The following MINDY4B variants were observed in gnomAD, a reference collection of about 807,000 sequenced individuals.
MINDY4B encodes inactive ubiquitin carboxyl-terminal hydrolase MINDY-4B.
In MINDY4B, 25 loss-of-function variants were observed where a neutral mutation model predicts 16.7. The observed-to-expected ratio is 1.49, with a 90% confidence interval of 1.09 to 2.09. The LOEUF is 2.09. Among genes scored for constraint, MINDY4B ranks in the 30% most tolerant of loss-of-function variants. MINDY4B has a pLI of 0.00. For missense variants in MINDY4B, 327 were observed against 168.4 expected, an observed-to-expected ratio of 1.94 and a Z score of -5.21; for synonymous variants, 132 against 61.9, an observed-to-expected ratio of 2.13 and a Z score of -5.32.
intron 3 of MINDY4B, among the ~76,000 whole-genome samples, chr3:150,898,746 A>G (rs543927434): frequency 1.3e-5 from 2 of 152,130 alleles, no homozygotes; most frequent in Non-Finnish European, 2.9e-5. Context: ...ACTTTGTTCC[A>G]TTTGATTGCT....
chr3:150,876,419 G>T (rs574848618), intron 10 of MINDY4B, among the ~76,000 whole-genome samples: 95 of 152,280 alleles, frequency 6.2e-4, no homozygotes, highest in Non-Finnish European at 1.2e-3. Context: ...CAGGAGAAAG[G>T]TGTTTGAAAC....
At chr3:150,898,629 A>G (rs1712035861) in intron 3 of MINDY4B, among the ~76,000 whole-genome samples, 1 of 152,252 alleles carries the variant, frequency 6.6e-6, no homozygotes, top group Non-Finnish European at 1.5e-5. Context: ...TGGTCCTCAT[A>G]AGTGGCTGCC....
intron 3 of MINDY4B, among the ~76,000 whole-genome samples, chr3:150,899,521 C>T (rs1429310774): frequency 6.6e-6 from 1 of 152,070 alleles, no homozygotes; most frequent in Non-Finnish European, 1.5e-5. Flanking sequence ...GAGAGGACTG[C>T]CATGAGAGGA....
intron 7 of MINDY4B, 24 bp downstream of exon 7, chr3:150,890,296 T>C (rs1392437466): frequency 2.0e-6 from 1 of 497,608 alleles, no homozygotes; most frequent in Non-Finnish European, 3.6e-6. Context: ...CATAAAGGAA[T>C]TATCTCAACA....
rs555867463 is a variant in MINDY4B at position 150,876,219 on chromosome 3, A to G, written c.1060-2852T>C. On this transcript the variant is annotated intron_variant, in intron 10 of 11. Coordinates refer to ENST00000465419, the MANE Select transcript of MINDY4B (RefSeq NM_001351281.2). ...GCAGCAATCAGGCTTTTCATAACAC[A>G]TATCATTTAAGCCAATGTAAAATTA... 5.3e-5 allele frequency among the ~76,000 whole-genome samples: 8 copies of G among 152,372 alleles called. No homozygotes were observed. The South Asian group carries it at 1.0e-3, about 20-fold the overall frequency.
At chr3:150,881,192 G>A (rs1227744401) in intron 10 of MINDY4B, among the ~76,000 whole-genome samples, 1 of 152,054 alleles carries the variant, frequency 6.6e-6, no homozygotes, top group Non-Finnish European at 1.5e-5. Flanking sequence ...AGACCAGCCT[G>A]GCCAAAATGG....
intron 3 of MINDY4B, among the ~76,000 whole-genome samples, chr3:150,902,876 G>A (rs1385289104): frequency 6.6e-6 from 1 of 152,150 alleles, no homozygotes; most frequent in Non-Finnish European, 1.5e-5. Flanking sequence ...ATACAGGTGG[G>A]GTACTTTCTT....
rs1185598844 is a variant in MINDY4B, at chr3:150,896,857, T to C, written c.310-2552A>G. On this transcript the variant is annotated intron_variant, in intron 3 of 11. Transcript: ENST00000465419. ...ATTTTGTAACTTGGAATCTATTTAT[T>C]TAAGAAGGACACTTTACATAACTTC... 2.6e-5 allele frequency among the ~76,000 whole-genome samples: 4 copies of C among 151,528 alleles called. No individual in the cohort carries two copies. In the East Asian group the frequency reaches 7.7e-4, roughly 29 times the overall value.
intron 10 of MINDY4B, among the ~76,000 whole-genome samples, chr3:150,881,371 G>T (rs183272371): frequency 6.6e-6 from 1 of 151,926 alleles, no homozygotes; most frequent in Non-Finnish European, 1.5e-5. Flanking sequence ...GTGACACAGC[G>T]AACTCTGTCT....
intron 3 of MINDY4B, among the ~76,000 whole-genome samples, chr3:150,894,915 A>G (rs1357212930): frequency 6.6e-6 from 1 of 152,252 alleles, no homozygotes; most frequent in African/African-American, 2.4e-5. Context: ...CCCCACAGCT[A>G]TGTACAAGAC....
intron 8 of MINDY4B, among the ~76,000 whole-genome samples, chr3:150,885,067 GTATT>G (rs1711588800): frequency 6.6e-6 from 1 of 152,178 alleles, no homozygotes; most frequent in African/African-American, 2.4e-5. Context: ...ATAATAAAAT[GTATT>G]TATTTATGAA....
intron 3 of MINDY4B, among the ~76,000 whole-genome samples, chr3:150,899,595 C>T (rs1033270070): frequency 5.9e-5 from 9 of 152,142 alleles, no homozygotes; most frequent in Non-Finnish European, 1.0e-4. Flanking sequence ...AGTTTCCTTT[C>T]AGGGCTCCCC....
chr3:150,886,201 T>C (rs896372604), intron 7 of MINDY4B, among the ~76,000 whole-genome samples: 5 of 152,238 alleles, frequency 3.3e-5, no homozygotes, highest in Admixed American at 2.6e-4. Flanking sequence ...TTTATTTAGC[T>C]TGATGACAAC....
At chr3:150,890,865 C>T in intron 6 of MINDY4B, 73 bp downstream of exon 6, 1 of 674,138 alleles carries the variant, frequency 1.5e-6, no homozygotes, top group Non-Finnish European at 2.7e-6. Context: ...CACCTGCATA[C>T]ACATGGTAAG....
intron 3 of MINDY4B, among the ~76,000 whole-genome samples, chr3:150,899,280 C>G (rs1470715780): frequency 6.6e-6 from 1 of 152,216 alleles, no homozygotes; most frequent in African/African-American, 2.4e-5. Context: ...GCAAGCCTTT[C>G]AACTTGTACC....
At chr3:150,885,563 A>G in intron 7 of MINDY4B, 125 bp from the exon 8 acceptor site, 1 of 652,560 alleles carries the variant, frequency 1.5e-6, no homozygotes, top group Non-Finnish European at 2.8e-6. Context: ...GAAAGGAATG[A>G]GCTCCTCTGC....
intron 7 of MINDY4B, 51 bp downstream of exon 7, chr3:150,890,269 C>T (rs1285806070): frequency 6.9e-6 from 3 of 437,030 alleles, no homozygotes; most frequent in Admixed American, 8.3e-5. Flanking sequence ...GAAGAAGATC[C>T]CTGTAAGATC....
At chr3:150,897,343 G>C (rs887903825) in intron 3 of MINDY4B, among the ~76,000 whole-genome samples, 1 of 151,600 alleles carries the variant, frequency 6.6e-6, no homozygotes, top group African/African-American at 2.4e-5. Context: ...GTGTGTGTGT[G>C]TGTGTGTGTG....
At chr3:150,884,856 A>C (rs1711582956) in intron 8 of MINDY4B, among the ~76,000 whole-genome samples, 1 of 152,062 alleles carries the variant, frequency 6.6e-6, no homozygotes, top group South Asian at 2.1e-4. Context: ...CATTCTCTTT[A>C]CATCTCATTT....
Sources: gnomAD v4.1 joint callset for allele counts (sites outside exome capture counted in the v4.1 genomes callset) on GRCh38, gnomAD v4.1.1 for gene constraint, MANE v1.5 for transcripts, NCBI Gene and HGNC (gene_info 2026-07-23, HGNC 2026-07-21) for gene names.